ABHD12: variants seen among roughly 807,000 people sequenced by gnomAD.
ABHD12 encodes abhydrolase domain containing 12, lysophospholipase.
Under a neutral mutation model 58.3 loss-of-function variants are expected in ABHD12, and 43 were observed. The ratio of observed to expected loss-of-function variants is 0.74; its 90% CI spans 0.58 to 0.95. The LOEUF (loss-of-function observed/expected upper bound fraction) is 0.95, where lower values mean the gene tolerates loss of function less well. Among genes scored for constraint, ABHD12 ranks in the 40% least tolerant of loss-of-function variants. The probability of loss-of-function intolerance (pLI) is 0.00; values close to 1 mark genes in which losing one functional copy is unlikely to be tolerated. For missense variants in ABHD12, 539 were observed against 537.2 expected (o/e 1.00, Z -0.03); for synonymous variants, 219 against 211.2 (o/e 1.04, Z -0.32).
chr20:25,353,676 G>A (rs976452911), intron 1 of ABHD12, among the ~76,000 whole-genome samples: 2 of 152,196 alleles, frequency 1.3e-5, no homozygotes, highest in Non-Finnish European at 2.9e-5. Flanking sequence ...GAGAGTTGCT[G>A]TGATCCTTCC....
chr20:25,380,271 G>GT (rs2090007065), intron 1 of ABHD12, among the ~76,000 whole-genome samples: 1 of 151,488 alleles, frequency 6.6e-6, no homozygotes, highest in Admixed American at 6.6e-5. Context: ...TTCTTTTGTT[G>GT]TTTTTTTGAG....
rs2088840074 is a variant in ABHD12, at chr20:25,311,011, G to C, written c.620-1436C>G. Reference sequence around the variant, plus strand: ...GCAGAAGAGAACCAGTGTCAACATGGAGAGAAGGAGAGGGCAAACCACTTC... The same window carrying C: ...GCAGAAGAGAACCAGTGTCAACATGCAGAGAAGGAGAGGGCAAACCACTTC... On this transcript the variant is annotated intron_variant, in intron 6 of 12. Transcript: ENST00000339157. Among the ~76,000 whole-genome samples, 4 of 152,210 alleles carry C rather than the reference G, an allele frequency of 2.6e-5. No individual in the cohort carries two copies. In the South Asian group the frequency reaches 8.3e-4, roughly 31 times the overall value.
intron 2 of ABHD12, among the ~76,000 whole-genome samples, chr20:25,337,714 G>C (rs2089396300): frequency 6.6e-6 from 1 of 152,238 alleles, no homozygotes; most frequent in African/African-American, 2.4e-5. Flanking sequence ...GAGGTCTGCT[G>C]ATGGTGAATC....
downstream of ABHD12, among the ~76,000 whole-genome samples, chr20:25,298,428 G>A (rs1454015296): frequency 6.6e-6 from 1 of 152,040 alleles, no homozygotes; most frequent in Non-Finnish European, 1.5e-5. Flanking sequence ...ACCACACCCG[G>A]CTAATTTGTG....
intron 2 of ABHD12, among the ~76,000 whole-genome samples, chr20:25,336,532 G>A (rs961034094): frequency 6.6e-6 from 1 of 152,160 alleles, no homozygotes. Context: ...TTGAATGGAT[G>A]CCCAGGTCAG....
At chr20:25,338,061 A>C (rs1183092502) in intron 2 of ABHD12, among the ~76,000 whole-genome samples, 2 of 152,150 alleles carry the variant, frequency 1.3e-5, no homozygotes, top group Non-Finnish European at 2.9e-5. Flanking sequence ...AAAAACAAAA[A>C]CAAAGAAACA....
intron 6 of ABHD12, among the ~76,000 whole-genome samples, chr20:25,311,376 G>A (rs976609026): frequency 9.2e-5 from 14 of 152,188 alleles, no homozygotes; most frequent in Non-Finnish European, 1.9e-4. Context: ...ACAGGTGGCT[G>A]GAAAGGGCAG....
intron 6 of ABHD12, among the ~76,000 whole-genome samples, chr20:25,310,905 A>G (rs1413010261): frequency 6.6e-6 from 1 of 152,184 alleles, no homozygotes; most frequent in East Asian, 1.9e-4. Context: ...GCTGCGTGGG[A>G]TTTCATTTCC....
intron 1 of ABHD12, among the ~76,000 whole-genome samples, chr20:25,367,232 G>A (rs1211663251): frequency 6.6e-6 from 1 of 152,152 alleles, no homozygotes; most frequent in African/African-American, 2.4e-5. Flanking sequence ...TCCATACACT[G>A]AGATGACATG....
intron 7 of ABHD12, 129 bp from the exon 8 acceptor site, chr20:25,308,623 G>A (rs1389163656): frequency 7.6e-6 from 9 of 1,178,882 alleles, no homozygotes; most frequent in Non-Finnish European, 1.1e-5. Flanking sequence ...GGACAGAGTG[G>A]GGGAAATGGA....
intron 3 of ABHD12, among the ~76,000 whole-genome samples, chr20:25,320,546 A>G (rs2089047253): frequency 6.6e-6 from 1 of 152,242 alleles, no homozygotes; most frequent in South Asian, 2.1e-4. Flanking sequence ...CAGCTTCAGC[A>G]GGAGCGTTCC....
chr20:25,336,817 A>G (rs892020924), intron 2 of ABHD12, among the ~76,000 whole-genome samples: 7 of 152,114 alleles, frequency 4.6e-5, no homozygotes, highest in African/African-American at 1.7e-4. Context: ...GGGCCTGGAG[A>G]TGAGGGTCGC....
intron 1 of ABHD12, among the ~76,000 whole-genome samples, chr20:25,360,835 A>T (rs1315655777): frequency 1.3e-5 from 2 of 152,222 alleles, no homozygotes; most frequent in Non-Finnish European, 2.9e-5. Context: ...GACAACTGGA[A>T]AAACCCGTCT....
At chr20:25,387,374 A>C (rs1320706556) in intron 1 of ABHD12, among the ~76,000 whole-genome samples, 1 of 152,038 alleles carries the variant, frequency 6.6e-6, no homozygotes, top group Non-Finnish European at 1.5e-5. Context: ...CAGTCTGGCC[A>C]ACATGGTGAA....
intron 1 of ABHD12, among the ~76,000 whole-genome samples, chr20:25,385,203 G>A (rs1190693399): frequency 6.6e-6 from 1 of 151,974 alleles, no homozygotes; most frequent in East Asian, 1.9e-4. Context: ...TGGGTGTGGT[G>A]GCACATACCT....
At chr20:25,342,555 C>T (rs1027665794) in intron 1 of ABHD12, among the ~76,000 whole-genome samples, 1 of 151,288 alleles carries the variant, frequency 6.6e-6, no homozygotes, top group African/African-American at 2.4e-5. Flanking sequence ...CATGTGCTCA[C>T]TTTGTATCTT....
intron 1 of ABHD12, among the ~76,000 whole-genome samples, chr20:25,370,160 T>TG (rs1373098465): frequency 6.6e-6 from 1 of 152,124 alleles, no homozygotes; most frequent in Non-Finnish European, 1.5e-5. Context: ...GCGCTGACTG[T>TG]GGGGGGTCCC....
intron 5 of ABHD12, among the ~76,000 whole-genome samples, chr20:25,315,850 CCT>C (rs1193826615): frequency 6.6e-6 from 1 of 152,234 alleles, no homozygotes; most frequent in Non-Finnish European, 1.5e-5. Flanking sequence ...TGTGCCCCTG[CCT>C]CTGTCTGTGT....
Position 25,339,326 on chromosome 20 carries a change from T to G in ABHD12, c.217A>C (p.Arg73=). The G allele has an allele frequency of 6.2e-7, 1 of 1,614,160 alleles. No homozygotes were observed. The part of the protein sequence containing the change: ...GRRKGVWLRL[R]KILFCVLGLY... ...CCCAAAACACAGAAAAGTATCTTCC[T>G]CAGGCGCAACCACACGCCCTTTCGC... is the stretch of plus-strand genomic sequence containing the variant. Residue 73 remains arginine (R), a synonymous_variant, in exon 2 of 13, where the codon AGG becomes CGG. Transcript: ENST00000339157.
Sources: gnomAD v4.1 joint callset for allele counts (sites outside exome capture counted in the v4.1 genomes callset) on GRCh38, gnomAD v4.1.1 for gene constraint, MANE v1.5 for transcripts, NCBI Gene and HGNC (gene_info 2026-07-23, HGNC 2026-07-21) for gene names.